The following STXBP5L variants were observed in gnomAD, a reference collection of about 807,000 sequenced individuals.
STXBP5L encodes syntaxin binding protein 5L.
Under a neutral mutation model 144.5 loss-of-function variants are expected in STXBP5L, and 65 were observed. The ratio of observed to expected loss-of-function variants is 0.45; its 90% CI spans 0.37 to 0.55. The LOEUF (loss-of-function observed/expected upper bound fraction) is 0.55. Ranked by LOEUF, STXBP5L falls within the 20% of genes least tolerant of loss-of-function variation. The pLI is 0.00. For synonymous variants in STXBP5L, 505 were observed against 469.6 expected (o/e 1.08, Z -0.97); for missense variants, 1,298 against 1,405.5 (o/e 0.92, Z 1.22).
At chr3:121,185,939 T>C (rs1376117000) in intron 9 of STXBP5L, among the ~76,000 whole-genome samples, 1 of 152,192 alleles carries the variant, frequency 6.6e-6, no homozygotes, top group Non-Finnish European at 1.5e-5. Flanking sequence ...TCATAGAATG[T>C]TCTTCCATTT....
intron 3 of STXBP5L, among the ~76,000 whole-genome samples, chr3:121,040,314 G>A (rs1194208090): frequency 6.6e-6 from 1 of 152,064 alleles, no homozygotes; most frequent in East Asian, 1.9e-4. Flanking sequence ...CAGAACCAGA[G>A]CAGTCTTTAT....
rs114972585 is a variant in STXBP5L, at chr3:121,231,528, T to C, written c.1112-2088T>C. ...CACAAGAAAGGAAGAAGCATTTTCTTTGGCCACTGTTGTACCTTTATGGCT... is the reference window on the plus strand; with the variant it reads ...CACAAGAAAGGAAGAAGCATTTTCTCTGGCCACTGTTGTACCTTTATGGCT... On this transcript the variant is annotated intron_variant, in intron 11 of 26. Transcript: ENST00000471454. Among the ~76,000 whole-genome samples, 241 of 152,294 alleles carry C rather than the reference T, an allele frequency of 1.6e-3. 3 individuals are homozygous for C. The highest frequency in any genetic ancestry group is 5.3e-3 in the African/African-American group (219 of 41,574).
At chr3:121,060,559 C>T (rs1039187260) in intron 5 of STXBP5L, among the ~76,000 whole-genome samples, 1 of 152,172 alleles carries the variant, frequency 6.6e-6, no homozygotes, top group Admixed American at 6.5e-5. Flanking sequence ...ACCAGCTCCT[C>T]TTTGTACCTC....
chr3:121,318,937 A>G (rs1468772927), intron 20 of STXBP5L, among the ~76,000 whole-genome samples: 1 of 152,176 alleles, frequency 6.6e-6, no homozygotes, highest in African/African-American at 2.4e-5. Context: ...ATTCCTCTAG[A>G]CCACAGTTTG....
chr3:121,301,082 A>T (rs938697422), intron 19 of STXBP5L, among the ~76,000 whole-genome samples: 1 of 152,100 alleles, frequency 6.6e-6, no homozygotes, highest in Non-Finnish European at 1.5e-5. Flanking sequence ...AATTCTGTGA[A>T]AAAAGTCATT....
intron 10 of STXBP5L, among the ~76,000 whole-genome samples, chr3:121,211,902 G>A (rs530497640): frequency 5.9e-5 from 9 of 152,108 alleles, no homozygotes; most frequent in Admixed American, 4.6e-4. Context: ...TTTAAGGATC[G>A]CCATTCTAAC....
At chr3:120,928,212 T>G (rs1290771470) in intron 2 of STXBP5L, among the ~76,000 whole-genome samples, 1 of 152,020 alleles carries the variant, frequency 6.6e-6, no homozygotes, top group African/African-American at 2.4e-5. Flanking sequence ...CCTGACACTT[T>G]CCAGTGAATT....
At chr3:121,030,682 CAT>C (rs1379764210) in intron 3 of STXBP5L, among the ~76,000 whole-genome samples, 1 of 151,942 alleles carries the variant, frequency 6.6e-6, no homozygotes, top group Non-Finnish European at 1.5e-5. Flanking sequence ...GTATAAAAAA[CAT>C]ATAAATTCCC....
chr3:121,082,599 T>A (rs186331201), intron 5 of STXBP5L, among the ~76,000 whole-genome samples: 49 of 152,344 alleles, frequency 3.2e-4, no homozygotes, highest in African/African-American at 9.9e-4. Flanking sequence ...TAATTTTATC[T>A]CTGAATCCAT....
At chr3:121,025,355 T>C (rs2107476970) in intron 3 of STXBP5L, among the ~76,000 whole-genome samples, 1 of 152,242 alleles carries the variant, frequency 6.6e-6, no homozygotes, top group South Asian at 2.1e-4. Flanking sequence ...CTATTGCTTA[T>C]AACTCAACCC....
chr3:121,277,595 C>G (rs750505171), intron 18 of STXBP5L, among the ~76,000 whole-genome samples: 2 of 151,582 alleles, frequency 1.3e-5, no homozygotes, highest in Non-Finnish European at 2.9e-5. Context: ...GTTTTATCAT[C>G]TCTTTCATTT....
chr3:121,362,446 A>G (rs1261435599), intron 20 of STXBP5L, among the ~76,000 whole-genome samples: 1 of 152,136 alleles, frequency 6.6e-6, no homozygotes, highest in African/African-American at 2.4e-5. Flanking sequence ...CTCAAAACAC[A>G]AGACAGAGTC....
chr3:121,073,804 A>G (rs1444623964), intron 5 of STXBP5L, among the ~76,000 whole-genome samples: 1 of 152,132 alleles, frequency 6.6e-6, no homozygotes, highest in Admixed American at 6.6e-5. Flanking sequence ...ATCTGCCCCT[A>G]AAAGCTCCTG....
At chr3:121,311,773 T>G (rs1463420270) in intron 19 of STXBP5L, among the ~76,000 whole-genome samples, 1 of 152,142 alleles carries the variant, frequency 6.6e-6, no homozygotes, top group African/African-American at 2.4e-5. Flanking sequence ...TTGCCCAAGG[T>G]AATTTATAGA....
At chr3:121,153,818 A>G (rs1223242574) in intron 8 of STXBP5L, among the ~76,000 whole-genome samples, 1 of 151,934 alleles carries the variant, frequency 6.6e-6, no homozygotes, top group Admixed American at 6.6e-5. Flanking sequence ...GTTCTTTATA[A>G]TCAAATTCTT....
chr3:121,151,550 T>C (rs1311453565), intron 7 of STXBP5L, among the ~76,000 whole-genome samples: 1 of 152,174 alleles, frequency 6.6e-6, no homozygotes, highest in Non-Finnish European at 1.5e-5. Context: ...CACCACTATA[T>C]TTTCTGTTCT....
At position 121,363,657 on chromosome 3, in the gene STXBP5L, T is replaced by C. The variant is rs557870308; in HGVS notation, c.2177-15059T>C. On this transcript the variant is annotated intron_variant, in intron 20 of 26. Transcript: ENST00000471454. ...AGGGGTGGCATCAGTGATTCAGAAC[T>C]GTTTTTTCTATCTCCTTAGTGCCTC... 1.0e-3 allele frequency among the ~76,000 whole-genome samples: 148 copies of C among 147,180 alleles called. 1 individual carries two copies. Among genetic ancestry groups the C allele is most frequent in the African/African-American group, 3.1e-3 (128 of 40,640 alleles).
intron 5 of STXBP5L, among the ~76,000 whole-genome samples, chr3:121,057,572 A>G (rs1379796683): frequency 1.3e-5 from 2 of 151,850 alleles, no homozygotes; most frequent in Non-Finnish European, 2.9e-5. Flanking sequence ...AAATGGAATA[A>G]TATATATATA....
chr3:121,367,790 CT>C (rs200992044), intron 20 of STXBP5L, among the ~76,000 whole-genome samples: 26,134 of 106,138 alleles, frequency 0.25, 2,802 homozygotes, highest in Admixed American at 0.3. Flanking sequence ...TTTGCTTTTC[CT>C]TTTTTTTTTT....
Sources: allele counts gnomAD v4.1 joint callset (sites outside exome capture counted in the v4.1 genomes callset), GRCh38; gene constraint gnomAD v4.1.1; transcripts MANE v1.5; gene names NCBI Gene and HGNC (gene_info 2026-07-23, HGNC 2026-07-21).